The following KCNMB2 variants were observed in gnomAD, a reference collection of about 807,000 sequenced individuals.
The protein encoded by KCNMB2 is potassium calcium-activated channel subfamily M regulatory beta subunit 2.
KCNMB2 carries 9 observed loss-of-function variants against 24.5 expected under a neutral mutation model. The ratio of observed to expected loss-of-function variants is 0.37; its 90% CI spans 0.22 to 0.64. The LOEUF (loss-of-function observed/expected upper bound fraction) is 0.64. Ranked by LOEUF, KCNMB2 falls within the 30% of genes least tolerant of loss-of-function variation. KCNMB2 has a pLI of 0.63. For synonymous variants in KCNMB2, 109 were observed against 104.4 expected, an observed-to-expected ratio of 1.04 and a Z score of -0.27; for missense variants, 226 against 284.3, an observed-to-expected ratio of 0.79 and a Z score of 1.47.
intron 1 of KCNMB2, among the ~76,000 whole-genome samples, chr3:178,749,743 T>C (rs1723781526): frequency 6.6e-6 from 1 of 152,204 alleles, no homozygotes; most frequent in Non-Finnish European, 1.5e-5. Flanking sequence ...GTGTGGAGAA[T>C]TAATTAAAGG....
intron 1 of KCNMB2, among the ~76,000 whole-genome samples, chr3:178,591,724 T>C (rs527889184): frequency 6.6e-6 from 1 of 152,230 alleles, no homozygotes; most frequent in African/African-American, 2.4e-5. Flanking sequence ...CTCCTAAGTT[T>C]AACTTGAAGA....
intron 1 of KCNMB2, among the ~76,000 whole-genome samples, chr3:178,728,447 G>A (rs891896691): frequency 3.3e-5 from 5 of 152,252 alleles, no homozygotes; most frequent in Non-Finnish European, 5.9e-5. Context: ...TGTTGGGCAG[G>A]AGGCATCAAG....
rs114803631 is a variant in KCNMB2 at position 178,717,270 on chromosome 3, T to C, written c.-67-90073T>C. Among the ~76,000 whole-genome samples the C allele has an allele frequency of 4.9e-3, 745 of 152,170 alleles. 2 individuals carry two copies. The highest frequency in any genetic ancestry group is 0.011 in the South Asian group (51 of 4,822). ...TGGACTTCCAGCACCACTGTGTTCA[T>C]GAACCATTTACCTTCATCCTGCTTG... On this transcript the variant is annotated intron_variant, in intron 1 of 4. Coordinates refer to ENST00000452583, the MANE Select transcript of KCNMB2 (RefSeq NM_181361.3).
At chr3:178,739,329 T>C (rs541016496) in intron 1 of KCNMB2, among the ~76,000 whole-genome samples, 2 of 152,322 alleles carry the variant, frequency 1.3e-5, no homozygotes, top group East Asian at 3.9e-4. Flanking sequence ...AAAAGAGTTA[T>C]ACAAAAGTAA....
chr3:178,739,287 A>G (rs58878746), intron 1 of KCNMB2, among the ~76,000 whole-genome samples: 21,283 of 152,132 alleles, frequency 0.14, 1,834 homozygotes, highest in Non-Finnish European at 0.18. Flanking sequence ...GCCTCAAGTG[A>G]TAAGTTGAAG....
intron 3 of KCNMB2, among the ~76,000 whole-genome samples, chr3:178,827,821 G>A (rs1034867903): frequency 6.6e-6 from 1 of 152,152 alleles, no homozygotes; most frequent in African/African-American, 2.4e-5. Context: ...GCTGGAGCAT[G>A]TCAAGAAGCT....
At position 178,843,521 on chromosome 3, in the gene KCNMB2, T is replaced by TAA. The variant is rs569405461; in HGVS notation, c.*587_*588dup. ...CTTTTTATTCATAACTTCAGATTTG[T>TAA]AAAACTAATTTCCAAAATATAAGCT... On this transcript the variant is annotated 3_prime_UTR_variant, in exon 5 of 5. Coordinates refer to ENST00000452583, the MANE Select transcript of KCNMB2 (RefSeq NM_181361.3). 8.1e-4 allele frequency: 147 copies of TAA among 182,428 alleles called. No homozygotes were observed. The highest frequency in any genetic ancestry group is 3.0e-3 in the African/African-American group (124 of 41,740). The allele number at this position is 182,428 out of a possible 1,614,324, so 11.3% of individuals were successfully genotyped here.
In KCNMB2 at chr3:178,605,373, T is replaced by A. The variant is rs549187618; in HGVS notation, c.-68+68662T>A. Among the ~76,000 whole-genome samples, 6 of 152,318 alleles carry A rather than the reference T, an allele frequency of 3.9e-5. No homozygotes were observed. In the South Asian group the frequency reaches 1.0e-3, roughly 26 times the overall value. On this transcript the variant is annotated intron_variant, in intron 1 of 4. Coordinates refer to ENST00000452583, the MANE Select transcript of KCNMB2 (RefSeq NM_181361.3). Reference sequence around the variant, plus strand: ...TATAAAAGCTACTTAGTCTGTGGAATTCTCTTATAGCAGCCCAAACTGACT... The same window carrying A: ...TATAAAAGCTACTTAGTCTGTGGAAATCTCTTATAGCAGCCCAAACTGACT...
In KCNMB2 at chr3:178,660,604, G is replaced by T. The variant is rs9865761; in HGVS notation, c.-68+123893G>T. Among the ~76,000 whole-genome samples the T allele has an allele frequency of 6.4e-3, 979 of 152,232 alleles. 9 individuals are homozygous for T. Among genetic ancestry groups the T allele is most frequent in the African/African-American group, 0.022 (918 of 41,542 alleles). ...CAGTTATTTTATTATCTACTCTGTG[G>T]CAGGTTATATGTTAAATATCTTTCA... is the stretch of plus-strand genomic sequence containing the variant. On this transcript the variant is annotated intron_variant, in intron 1 of 4. Transcript: ENST00000452583.
intron 1 of KCNMB2, among the ~76,000 whole-genome samples, chr3:178,794,482 G>A (rs1713455289): frequency 6.6e-6 from 1 of 152,218 alleles, no homozygotes; most frequent in East Asian, 1.9e-4. Context: ...GTGGAAGGAG[G>A]CCTGCAGGAG....
At chr3:178,627,923 C>T (rs1307626183) in intron 1 of KCNMB2, among the ~76,000 whole-genome samples, 1 of 152,108 alleles carries the variant, frequency 6.6e-6, no homozygotes, top group East Asian at 1.9e-4. Context: ...CTTGAACACC[C>T]AGAAAATGCT....
At chr3:178,825,046 C>G (rs1714782307) in intron 2 of KCNMB2, among the ~76,000 whole-genome samples, 1 of 152,158 alleles carries the variant, frequency 6.6e-6, no homozygotes, top group South Asian at 2.1e-4. Flanking sequence ...CAATCTCAAG[C>G]CAACAAAGCC....
At chr3:178,779,195 A>G (rs1172102515) in intron 1 of KCNMB2, among the ~76,000 whole-genome samples, 1 of 152,146 alleles carries the variant, frequency 6.6e-6, no homozygotes, top group Admixed American at 6.5e-5. Context: ...CCTTCACACA[A>G]AATGCTCACA....
intron 1 of KCNMB2, among the ~76,000 whole-genome samples, chr3:178,635,907 C>G (rs1444462319): frequency 6.6e-6 from 1 of 152,184 alleles, no homozygotes; most frequent in Admixed American, 6.5e-5. Context: ...GTACCACAAA[C>G]AAAATGGTTA....
intron 1 of KCNMB2, among the ~76,000 whole-genome samples, chr3:178,782,088 A>G (rs1188707399): frequency 7.8e-5 from 9 of 115,050 alleles, no homozygotes; most frequent in African/African-American, 2.9e-4. Context: ...ATGATTTCCA[A>G]TTTCATCCAT....
intron 1 of KCNMB2, among the ~76,000 whole-genome samples, chr3:178,647,108 T>C (rs1719948016): frequency 6.6e-6 from 1 of 152,216 alleles, no homozygotes; most frequent in Admixed American, 6.5e-5. Flanking sequence ...TCAGCTTGCC[T>C]GCTGCTGGAC....
intron 1 of KCNMB2, among the ~76,000 whole-genome samples, chr3:178,652,317 G>A (rs866576395): frequency 1.8e-4 from 27 of 152,206 alleles, no homozygotes; most frequent in African/African-American, 5.8e-4. Flanking sequence ...GGGACCTGTC[G>A]AGGTTGGGTG....
At chr3:178,555,419 C>T (rs1451972058) in intron 1 of KCNMB2, among the ~76,000 whole-genome samples, 1 of 152,226 alleles carries the variant, frequency 6.6e-6, no homozygotes, top group Non-Finnish European at 1.5e-5. Context: ...GGGCAAGTTA[C>T]TTAATGTTTT....
intron 1 of KCNMB2, among the ~76,000 whole-genome samples, chr3:178,605,642 T>A (rs1036256699): frequency 3.9e-5 from 6 of 152,096 alleles, no homozygotes; most frequent in Non-Finnish European, 8.8e-5. Context: ...TTGGTAGACA[T>A]ATAAACAGCA....
Sources: gnomAD v4.1 joint callset for allele counts (sites outside exome capture counted in the v4.1 genomes callset) on GRCh38, gnomAD v4.1.1 for gene constraint, MANE v1.5 for transcripts, NCBI Gene and HGNC (gene_info 2026-07-23, HGNC 2026-07-21) for gene names.